RNF25: variants seen among roughly 807,000 people sequenced by gnomAD.
The protein encoded by RNF25 is E3 ubiquitin-protein ligase RNF25.
RNF25 carries 32 observed loss-of-function variants against 65.0 expected under a neutral mutation model. The observed-to-expected ratio is 0.49, with a 90% CI of 0.37 to 0.66. RNF25 has a LOEUF of 0.66. RNF25 is among the 30% of genes least tolerant of loss of function. The pLI is 0.00. For synonymous variants in RNF25, 207 were observed against 221.2 expected, an observed-to-expected ratio of 0.94 and a Z score of 0.57; for missense variants, 493 against 584.8, an observed-to-expected ratio of 0.84 and a Z score of 1.62.
chr2:218,665,789 T>A (rs1371681842), intron 7 of RNF25, 127 bp downstream of exon 7: 10 of 1,243,258 alleles, frequency 8.0e-6, no homozygotes, highest in Non-Finnish European at 1.1e-5. Flanking sequence ...GAGGTAAGAG[T>A]TCATTAATCT....
At chr2:218,665,586 TA>T (rs1453674623) in intron 7 of RNF25, among the ~76,000 whole-genome samples, 1 of 151,400 alleles carries the variant, frequency 6.6e-6, no homozygotes, top group African/African-American at 2.4e-5. Flanking sequence ...CTACTGAAAA[TA>T]CAAAAATCAG....
At chr2:218,668,215 G>A in intron 3 of RNF25, 24 bp downstream of exon 3, 1 of 1,612,282 alleles carries the variant, frequency 6.2e-7, no homozygotes, top group Non-Finnish European at 8.5e-7. Context: ...TCCTCCCTTT[G>A]CTGCCACACA....
intron 1 of RNF25, among the ~76,000 whole-genome samples, chr2:218,670,746 G>A (rs988740401): frequency 3.4e-5 from 5 of 148,526 alleles, no homozygotes; most frequent in Non-Finnish European, 7.4e-5. Context: ...ACTGAAGAAT[G>A]TCCTAGTACA....
intron 4 of RNF25, 42 bp from the exon 5 acceptor site, chr2:218,668,023 C>T (rs757288736): frequency 1.2e-6 from 2 of 1,612,876 alleles, no homozygotes; most frequent in Admixed American, 3.3e-5. Flanking sequence ...CTGCCCATTT[C>T]TGTCACCGGG....
At chr2:218,666,675 C>T (rs923131683) in intron 5 of RNF25, among the ~76,000 whole-genome samples, 19 of 152,194 alleles carry the variant, frequency 1.2e-4, no homozygotes, top group African/African-American at 4.6e-4. Flanking sequence ...ACAGAGAATT[C>T]ACAAGGCATT....
rs1247637988 is a variant in RNF25 at position 218,668,142 on chromosome 2, G to A, written c.224C>T (p.Pro75Leu). 1.2e-6 allele frequency: 2 copies of A among 1,614,168 alleles called. No homozygotes were observed. Among genetic ancestry groups the A allele is most frequent in the African/African-American group, 2.7e-5 (2 of 75,052 alleles). The change falls in exon 4 of 10, where the codon CCC becomes CTC. Residue 75 changes from proline to leucine, a missense_variant. Physicochemically the swap from Pro to Leu is moderately conservative, Grantham distance 98. Coordinates refer to ENST00000295704, the MANE Select transcript of RNF25 (RefSeq NM_022453.3). ...TLVLQVPAEYPHEVPQISIRN... is the reference protein window; with the variant it reads ...TLVLQVPAEYLHEVPQISIRN... Reference sequence around the variant, plus strand: ...GATAGAGATCTGTGGCACCTCATGGGGATACTAGTGGGGGCAAATAACAAG... The same window carrying A: ...GATAGAGATCTGTGGCACCTCATGGAGATACTAGTGGGGGCAAATAACAAG...
intron 2 of RNF25, 43 bp downstream of exon 2, chr2:218,668,562 C>T (rs368274796): frequency 1.4e-6 from 2 of 1,395,572 alleles, no homozygotes; most frequent in Admixed American, 1.7e-5. Context: ...AACCTCTCCT[C>T]ATTACTAGGG....
At position 218,668,143 on chromosome 2, in the gene RNF25, G is replaced by A; in HGVS notation, c.223C>T (p.Pro75Ser). The change falls in exon 4 of 10, where the codon CCC (proline) becomes TCC (serine). Residue 75 changes from proline (P) to serine (S), a missense_variant. Pro to Ser is a moderately conservative substitution (Grantham distance 74). Around this residue, in one of 3 missense-constraint regions of RNF25, gnomAD observed 108 missense variants for 166.0 expected, o/e 0.65. Transcript: ENST00000295704. ...ATAGAGATCTGTGGCACCTCATGGG[G>A]ATACTAGTGGGGGCAAATAACAAGT... ...TLVLQVPAEY[P>S]HEVPQISIRN... 6.2e-7 allele frequency: 1 copy of A among 1,614,174 alleles called. No homozygotes were observed. The highest frequency in any genetic ancestry group is 8.5e-7 in the Non-Finnish European group (1 of 1,179,992).
chr2:218,664,774 C>T lies in RNF25; in HGVS notation c.766G>A (p.Ala256Thr), dbSNP rs1016245090. The change falls in exon 9 of 10, where the codon GCT (alanine) becomes ACT (threonine). Residue 256 changes from alanine to threonine, a missense_variant. Transcript: ENST00000295704. This position sits in a 1 kb window ranked among gnomAD's most constrained non-coding sequence, Gnocchi z 5.1. The stretch of plus-strand genomic sequence containing the variant: ...CTGATGAAGTATCGGTTTCGCTCAG[C>T]CTCAAGGTCAATGATTCCCCCCCGC... ...QERGGIIDLE[A>T]ERNRYFISLQ... The T allele has an allele frequency of 2.5e-6, 4 of 1,614,246 alleles. No homozygotes were observed. The highest frequency in any genetic ancestry group is 3.4e-6 in the Non-Finnish European group (4 of 1,180,048).
chr2:218,664,122 G>T lies in RNF25; in HGVS notation c.1215C>A (p.Ser405Arg). ...TCCTGCGGGGTGGGGGCCCCTGCCA[G>T]CTGCCAGGCCCCTTCTCTTGTGGAG... ...EGPPQEKGPG[S>R]WQGPPPRRTR... The change falls in exon 10 of 10, where the codon AGC (serine) becomes AGA (arginine). Residue 405 changes from serine (S) to arginine (R), a missense_variant. Physicochemically the swap from Ser to Arg is moderately radical, Grantham distance 110 (BLOSUM62 -1). Coordinates refer to ENST00000295704, the MANE Select transcript of RNF25 (RefSeq NM_022453.3). This position sits in a 1 kb window ranked among gnomAD's most constrained non-coding sequence, Gnocchi z 5.1. The T allele has an allele frequency of 6.6e-7, 1 of 1,523,804 alleles. No individual in the cohort carries two copies. The highest frequency in any genetic ancestry group is 1.4e-5 in the African/African-American group (1 of 71,850). 94.4% of individuals were successfully genotyped at this position (1,523,804 alleles called of 1,614,324 possible).
chr2:218,665,604 G>A (rs1038240110), intron 7 of RNF25, among the ~76,000 whole-genome samples: 3 of 151,918 alleles, frequency 2.0e-5, no homozygotes, highest in Admixed American at 2.0e-4. Flanking sequence ...TCAGCTGGGC[G>A]TGGTGGCTCG....
Position 218,665,955 on chromosome 2 carries a change from C to G in RNF25, c.534G>C (p.Gln178His), listed in dbSNP as rs762737125. 6.2e-7 allele frequency: 1 copy of G among 1,614,148 alleles called. No homozygotes were observed. The highest frequency in any genetic ancestry group is 8.5e-7 in the Non-Finnish European group (1 of 1,180,012). The stretch of plus-strand genomic sequence containing the variant: ...CATGCTGCCGTTCCTGTTCCTGCTC[C>G]TGTCCTTGTGCCTTCAGCTCTTGCT... ...HMEQELKAQG[Q>H]EQEQERQHAT... Residue 178 changes from glutamine to histidine, a missense_variant, in exon 7 of 10, where the codon CAG (glutamine) becomes CAC (histidine). By Grantham distance (24) the Gln-to-His change is conservative. Around this residue, in one of 3 missense-constraint regions of RNF25, gnomAD observed 351 missense variants for 400.2 expected, o/e 0.88. Transcript: ENST00000295704.
intron 3 of RNF25, 42 bp from the exon 4 acceptor site, chr2:218,668,188 C>G (rs1302615408): frequency 6.2e-7 from 1 of 1,612,488 alleles, no homozygotes; most frequent in East Asian, 2.2e-5. Flanking sequence ...AGCGGTCCAC[C>G]CCAGGGACTC....
chr2:218,670,522 C>T (rs1370726407), intron 1 of RNF25, among the ~76,000 whole-genome samples: 17 of 151,608 alleles, frequency 1.1e-4, no homozygotes, highest in Non-Finnish European at 1.5e-5. Flanking sequence ...GGTGAAACCC[C>T]GTCTCTACTA....
intron 1 of RNF25, among the ~76,000 whole-genome samples, chr2:218,670,704 A>T (rs1429076682): frequency 6.6e-6 from 1 of 150,460 alleles, no homozygotes; most frequent in Non-Finnish European, 1.5e-5. Flanking sequence ...TCAAAAAAAA[A>T]AAAAAAAAAA....
In RNF25 at chr2:218,671,966, G is replaced by T. The variant is rs778065422; in HGVS notation, c.5C>A (p.Ala2Glu). The change falls in exon 1 of 10, where the codon GCG becomes GAG. Residue 2 changes from alanine to glutamate, a missense_variant. Physicochemically the swap from Ala to Glu is moderately radical, Grantham distance 107. Transcript: ENST00000295704. ...CCCTGCAGCTGCAGACGCAGACGCC[G>T]CCATATCTTCACCGGCCCGCAGCCG... M[A>E]ASASAAAGEE... is the part of the protein sequence containing the mutation. The T allele has an allele frequency of 1.9e-6, 3 of 1,614,180 alleles. No individual in the cohort carries two copies. The highest frequency in any genetic ancestry group is 2.5e-6 in the Non-Finnish European group (3 of 1,180,036).
intron 8 of RNF25, 71 bp downstream of exon 8, chr2:218,665,084 A>T: frequency 1.3e-6 from 2 of 1,517,572 alleles, no homozygotes; most frequent in Non-Finnish European, 1.8e-6. Context: ...TTTGACACAG[A>T]CAAGATGCCA....
Position 218,664,567 on chromosome 2 carries a change from G to A in RNF25, c.802-32C>T, listed in dbSNP as rs1350973983. The A allele has an allele frequency of 6.3e-7, 1 of 1,597,080 alleles. No homozygotes were observed. The highest frequency in any genetic ancestry group is 1.7e-5 in the Admixed American group (1 of 59,562). On this transcript the variant is annotated intron_variant, in intron 9 of 9. Coordinates refer to ENST00000295704, the MANE Select transcript of RNF25 (RefSeq NM_022453.3). The surrounding 1 kb of genome is among the most constrained non-coding windows in gnomAD (Gnocchi z 5.1). ...ATAAGTGACAAGATGCAGTGAGGGA[G>A]ATGCAGTTCCTCAAGGTGGGGAACT...
intron 7 of RNF25, 63 bp from the exon 8 acceptor site, chr2:218,665,310 T>G: frequency 6.9e-7 from 1 of 1,444,610 alleles, no homozygotes; most frequent in Non-Finnish European, 9.6e-7. Context: ...TGCTGACCCA[T>G]CAGCCAACCT....
Sources: allele counts gnomAD v4.1 joint callset (sites outside exome capture counted in the v4.1 genomes callset), GRCh38; gene constraint gnomAD v4.1.1; regional missense constraint gnomAD v4.1.1; non-coding constraint Gnocchi (gnomAD v3.1); transcripts MANE v1.5; gene names NCBI Gene and HGNC (gene_info 2026-07-23, HGNC 2026-07-21).